COL4A5: variants seen among roughly 807,000 people sequenced by gnomAD.
The protein encoded by COL4A5 is collagen type IV alpha 5 chain.
A neutral mutation model predicts 130.2 loss-of-function variants in COL4A5; 26 were observed. The ratio of observed to expected loss-of-function variants is 0.20; its 90% CI spans 0.15 to 0.28. The LOEUF (loss-of-function observed/expected upper bound fraction) is 0.28. Among genes scored for constraint, COL4A5 ranks in the 10% least tolerant of loss-of-function variants. COL4A5 has a pLI of 1.00. For synonymous variants in COL4A5, 496 were observed against 439.6 expected (o/e 1.13, Z -1.60); for missense variants, 1,131 against 1,344.3 (o/e 0.84, Z 2.48).
chrX:108,577,031 T>G (rs2066161437), intron 10 of COL4A5, among the ~76,000 whole-genome samples: 1 of 111,186 alleles, frequency 9.0e-6, no homozygotes, highest in Non-Finnish European at 1.9e-5. Flanking sequence ...TTTCTGGATA[T>G]TCCTTGAATT....
chrX:108,569,717 T>C (rs1271091992), intron 6 of COL4A5, among the ~76,000 whole-genome samples: 1 of 111,518 alleles, frequency 9.0e-6, no homozygotes, highest in Non-Finnish European at 1.9e-5. Flanking sequence ...TCTTGCTCTG[T>C]TGCCCATGCT....
intron 1 of COL4A5, among the ~76,000 whole-genome samples, chrX:108,483,067 T>C (rs1181917283): frequency 9.0e-6 from 1 of 111,050 alleles, no homozygotes; most frequent in African/African-American, 3.3e-5. Context: ...CATTTTGGGG[T>C]CTAATCATAT....
At position 108,584,373 on chromosome X, in the gene COL4A5, G is replaced by A. The variant is rs2066299282; in HGVS notation, c.991-111G>A. 1.1e-5 allele frequency: 7 copies of A among 634,165 alleles called. No individual in the cohort carries two copies. The South Asian group carries it at 1.7e-4, about 16-fold the overall frequency. The allele number at this position is 634,165 out of a possible 1,213,427, so 52.3% of individuals were successfully genotyped here. ...CTTCATGTTGCATTTCTCATTTGAG[G>A]TATTTTATGATTGATTTCTGGGTCT... On this transcript the variant is annotated intron_variant, in intron 17 of 52. Coordinates refer to ENST00000328300, the MANE Select transcript of COL4A5 (RefSeq NM_033380.3).
At chrX:108,614,493 A>T (rs1266600157) in intron 29 of COL4A5, among the ~76,000 whole-genome samples, 1 of 111,931 alleles carries the variant, frequency 8.9e-6, no homozygotes, top group Non-Finnish European at 1.9e-5. Flanking sequence ...TGTCAAAGAG[A>T]TGTTTTACTA....
At chrX:108,681,604 A>AT (rs1260279748) in intron 46 of COL4A5, among the ~76,000 whole-genome samples, 156 bp from the exon 47 acceptor site, 28 of 112,236 alleles carry the variant, frequency 2.5e-4, no homozygotes, top group African/African-American at 8.7e-4. Context: ...TTATTTTTCA[A>AT]TTTTAAGTTT....
chrX:108,580,646 C>T (rs768411079), intron 14 of COL4A5, 36 bp from the exon 15 acceptor site: 11 of 1,195,980 alleles, frequency 9.2e-6, no homozygotes, highest in Non-Finnish European at 1.1e-5. Flanking sequence ...ACACAGTATC[C>T]CATGAACCAT....
At chrX:108,672,536 G>T (rs2068225278) in intron 42 of COL4A5, among the ~76,000 whole-genome samples, 1 of 111,702 alleles carries the variant, frequency 9.0e-6, no homozygotes, top group Non-Finnish European at 1.9e-5. Context: ...TATACCTTTA[G>T]TAATTACTAC....
chrX:108,665,032 A>C (rs1383101774), intron 37 of COL4A5, among the ~76,000 whole-genome samples: 1 of 112,275 alleles, frequency 8.9e-6, no homozygotes, highest in African/African-American at 3.2e-5. Flanking sequence ...CAGCAATTCC[A>C]CTTCTTGTTA....
In COL4A5 at chrX:108,588,342, G is replaced by T. The variant is rs2066371401; in HGVS notation, c.1165+1595G>T. On this transcript the variant is annotated intron_variant, in intron 19 of 52. Transcript: ENST00000328300. ...CCCAAGAGAAAGAAAATAAATATAG[G>T]TTCCATTATGCTCTAAATGCAAACT... Among the ~76,000 whole-genome samples, 3 of 111,145 alleles carry T rather than the reference G, an allele frequency of 2.7e-5. No individual in the cohort carries two copies. In the South Asian group the frequency reaches 1.1e-3, roughly 41 times the overall value.
chrX:108,468,645 A>C, intron 1 of COL4A5, among the ~76,000 whole-genome samples: 1 of 109,041 alleles, frequency 9.2e-6, no homozygotes, highest in East Asian at 2.9e-4. Flanking sequence ...TGGTTCTATT[A>C]ATGTGGCATA....
At chrX:108,509,698 C>G (rs747927981) in intron 1 of COL4A5, among the ~76,000 whole-genome samples, 31 of 112,094 alleles carry the variant, frequency 2.8e-4, no homozygotes, top group Non-Finnish European at 5.8e-4. Context: ...CACTTATACA[C>G]TGTTGGTGGG....
chrX:108,532,001 C>T (rs968032206), intron 1 of COL4A5, among the ~76,000 whole-genome samples: 1 of 111,300 alleles, frequency 9.0e-6, no homozygotes, highest in African/African-American at 3.3e-5. Flanking sequence ...CAAATTCTAA[C>T]AATCGTACAA....
chrX:108,572,187 C>G (rs1044973961), intron 8 of COL4A5, among the ~76,000 whole-genome samples: 2 of 111,655 alleles, frequency 1.8e-5, no homozygotes, highest in Admixed American at 9.5e-5. Flanking sequence ...TTCTACACCT[C>G]TGGTTAATTT....
intron 37 of COL4A5, among the ~76,000 whole-genome samples, chrX:108,662,986 A>G (rs1022534903): frequency 1.8e-5 from 2 of 112,341 alleles, no homozygotes; most frequent in Admixed American, 1.9e-4. Flanking sequence ...TCACCTAGTG[A>G]TATCATAGCC....
intron 41 of COL4A5, chrX:108,669,995 A>G (rs183618379): frequency 3.1e-4 from 117 of 374,843 alleles, no homozygotes; most frequent in African/African-American, 2.9e-3. Context: ...GCCTTTAAAA[A>G]TACGCCACAG....
At chrX:108,681,085 G>T in intron 46 of COL4A5, 129 bp downstream of exon 46, 1 of 532,201 alleles carries the variant, frequency 1.9e-6, no homozygotes, top group South Asian at 2.8e-5. Context: ...AAATAAACAA[G>T]GCTCTGCCTT....
At chrX:108,494,656 G>A (rs745508672) in intron 1 of COL4A5, among the ~76,000 whole-genome samples, 6 of 109,877 alleles carry the variant, frequency 5.5e-5, no homozygotes, top group African/African-American at 1.7e-4. Context: ...GGAAATGATC[G>A]TTTTTCTAAG....
At chrX:108,456,817 G>A (rs752950553) in intron 1 of COL4A5, among the ~76,000 whole-genome samples, 6 of 111,971 alleles carry the variant, frequency 5.4e-5, no homozygotes, top group Middle Eastern at 4.6e-3. Context: ...CAGGAGCTCA[G>A]CCGAGCTGCT....
At chrX:108,624,124 C>T (rs902154303) in intron 33 of COL4A5, 112 bp from the exon 34 acceptor site, 1 of 585,100 alleles carries the variant, frequency 1.7e-6, no homozygotes, top group Non-Finnish European at 2.9e-6. Context: ...CAGAATATCA[C>T]CAGTTCCTCT....
Sources: allele counts gnomAD v4.1 joint callset (sites outside exome capture counted in the v4.1 genomes callset), GRCh38; gene constraint gnomAD v4.1.1; transcripts MANE v1.5; gene names NCBI Gene and HGNC (gene_info 2026-07-23, HGNC 2026-07-21).